SAMD12: variants seen among roughly 807,000 people sequenced by gnomAD.
SAMD12 encodes the protein sterile alpha motif domain containing 12.
SAMD12 carries 9 observed loss-of-function variants against 15.0 expected under a neutral mutation model. The observed-to-expected ratio is 0.60, with a 90% CI of 0.36 to 1.05. The LOEUF (loss-of-function observed/expected upper bound fraction) is 1.05. SAMD12 is among the 50% of genes least tolerant of loss of function. SAMD12 has a pLI of 0.01. For synonymous variants in SAMD12, 86 were observed against 90.1 expected, an observed-to-expected ratio of 0.96 and a Z score of 0.25; for missense variants, 230 against 234.2, an observed-to-expected ratio of 0.98 and a Z score of 0.12.
intron 4 of SAMD12, chr8:118,284,417 G>T (rs1247927136): frequency 6.6e-6 from 3 of 454,290 alleles, no homozygotes; most frequent in Non-Finnish European, 1.3e-5. Context: ...TGCACAGATT[G>T]ACAAGTGAGT....
chr8:118,164,018 A>T, the SAMD12 span, among the ~76,000 whole-genome samples: 1 of 152,198 alleles, frequency 6.6e-6, no homozygotes, highest in Non-Finnish European at 1.5e-5. Context: ...AACTTTACAC[A>T]TGTGCTTTTG....
the SAMD12 span, among the ~76,000 whole-genome samples, chr8:118,168,134 C>T: frequency 1.3e-5 from 2 of 152,164 alleles, no homozygotes; most frequent in Admixed American, 1.3e-4. Flanking sequence ...TTGCTGCTGC[C>T]ATGTGGAACT....
intron 3 of SAMD12, among the ~76,000 whole-genome samples, chr8:118,425,377 A>C (rs1355364326): frequency 6.6e-6 from 1 of 152,202 alleles, no homozygotes; most frequent in Non-Finnish European, 1.5e-5. Flanking sequence ...ACAAGTCATC[A>C]ATAAAAAAGA....
At chr8:118,456,930 G>A (rs1416350026) in intron 2 of SAMD12, among the ~76,000 whole-genome samples, 1 of 152,090 alleles carries the variant, frequency 6.6e-6, no homozygotes. Context: ...ATGGATCTAG[G>A]TTTGCAGCTT....
At chr8:118,392,850 C>T (rs568776410) in intron 3 of SAMD12, among the ~76,000 whole-genome samples, 1 of 150,052 alleles carries the variant, frequency 6.7e-6, no homozygotes, top group East Asian at 2.0e-4. Context: ...CCTACCCCTA[C>T]TTGTGTTAAT....
At chr8:118,486,686 T>C (rs1323440184) in intron 2 of SAMD12, among the ~76,000 whole-genome samples, 1 of 151,712 alleles carries the variant, frequency 6.6e-6, no homozygotes, top group Non-Finnish European at 1.5e-5. Flanking sequence ...TCAGTGTTGG[T>C]TTAAGCAACA....
chr8:118,568,290 G>A (rs183011330), intron 2 of SAMD12, among the ~76,000 whole-genome samples: 15 of 152,288 alleles, frequency 9.8e-5, no homozygotes, highest in African/African-American at 3.4e-4. Context: ...CAGTATAAAG[G>A]CTTGGAGGTG....
At chr8:118,510,604 G>A (rs540230022) in intron 2 of SAMD12, among the ~76,000 whole-genome samples, 1 of 152,232 alleles carries the variant, frequency 6.6e-6, no homozygotes, top group Admixed American at 6.5e-5. Flanking sequence ...CCTCCCCCAG[G>A]GTTATGCAGT....
intron 4 of SAMD12, among the ~76,000 whole-genome samples, chr8:118,297,700 C>T (rs1488163907): frequency 2.0e-5 from 3 of 152,088 alleles, no homozygotes; most frequent in Non-Finnish European, 2.9e-5. Flanking sequence ...TATAAATTTT[C>T]AGAAGGGCAG....
Position 118,617,759 on chromosome 8 carries a change from C to T in SAMD12, c.13+4045G>A, listed in dbSNP as rs528523334. 3.3e-5 allele frequency among the ~76,000 whole-genome samples: 5 copies of T among 152,174 alleles called. No individual in the cohort carries two copies. The South Asian group carries it at 1.0e-3, about 32-fold the overall frequency. On this transcript the variant is annotated intron_variant, in intron 1 of 3. Coordinates refer to ENST00000314727, the MANE Select transcript of SAMD12 (RefSeq NM_207506.3). ...GTGCATTTATATGTCATTCATGAAA[C>T]AATGACTGTGGGCCTCCTAAGTGCC...
At chr8:118,237,602 G>A (rs940090751) in intron 4 of SAMD12, among the ~76,000 whole-genome samples, 3 of 152,074 alleles carry the variant, frequency 2.0e-5, no homozygotes, top group African/African-American at 7.2e-5. Flanking sequence ...ATGCCACCCA[G>A]GGCCTCTTAC....
intron 4 of SAMD12, among the ~76,000 whole-genome samples, chr8:118,268,837 T>A (rs144372961): frequency 6.6e-6 from 1 of 152,242 alleles, no homozygotes; most frequent in African/African-American, 2.4e-5. Context: ...TGCTCCATAA[T>A]TCTGGTATTT....
At chr8:118,579,639 A>G (rs969704530) in intron 2 of SAMD12, among the ~76,000 whole-genome samples, 8 of 152,164 alleles carry the variant, frequency 5.3e-5, no homozygotes, top group Admixed American at 3.9e-4. Context: ...TTGGAGGAGA[A>G]GGGAGGTGGT....
At chr8:118,449,744 T>G (rs1379824305) in intron 2 of SAMD12, among the ~76,000 whole-genome samples, 1 of 128,874 alleles carries the variant, frequency 7.8e-6, no homozygotes, top group African/African-American at 3.0e-5. Context: ...GAGCTTGCAG[T>G]GAGCAGAGAT....
chr8:118,410,905 TA>T (rs1242490237), intron 3 of SAMD12, among the ~76,000 whole-genome samples: 3 of 152,152 alleles, frequency 2.0e-5, no homozygotes, highest in Non-Finnish European at 4.4e-5. Flanking sequence ...GTTAATAAAC[TA>T]AAACCTAAAC....
chr8:118,365,480 C>A (rs1818716311), intron 4 of SAMD12, among the ~76,000 whole-genome samples: 1 of 152,116 alleles, frequency 6.6e-6, no homozygotes, highest in Admixed American at 6.6e-5. Flanking sequence ...TTCGTTCTCT[C>A]CTTGAGCTGG....
intron 1 of SAMD12, among the ~76,000 whole-genome samples, chr8:118,617,011 T>A (rs944570481): frequency 6.6e-6 from 1 of 152,156 alleles, no homozygotes; most frequent in Admixed American, 6.5e-5. Flanking sequence ...ATGAATCTGA[T>A]CCCTGGTGCC....
intron 2 of SAMD12, among the ~76,000 whole-genome samples, chr8:118,535,704 G>C (rs758465653): frequency 2.0e-5 from 3 of 152,222 alleles, no homozygotes; most frequent in Non-Finnish European, 4.4e-5. Flanking sequence ...AGACTGCTGT[G>C]CCAGCAGTGA....
chr8:118,557,268 C>T (rs1826563500), intron 2 of SAMD12, among the ~76,000 whole-genome samples: 1 of 152,206 alleles, frequency 6.6e-6, no homozygotes, highest in Non-Finnish European at 1.5e-5. Context: ...CTCTGTCTCT[C>T]CTGCTGCCAT....
Sources: allele counts gnomAD v4.1 joint callset (sites outside exome capture counted in the v4.1 genomes callset), GRCh38; gene constraint gnomAD v4.1.1; transcripts MANE v1.5; gene names NCBI Gene and HGNC (gene_info 2026-07-23, HGNC 2026-07-21).